The following USP28 variants were observed in gnomAD, a reference collection of about 807,000 sequenced individuals.
The protein encoded by USP28 is ubiquitin carboxyl-terminal hydrolase 28.
USP28 carries 113 observed loss-of-function variants against 145.0 expected under a neutral mutation model. The ratio of observed to expected loss-of-function variants is 0.78; its 90% CI spans 0.67 to 0.91. USP28 has a LOEUF of 0.91. Ranked by LOEUF, USP28 falls within the 40% of genes least tolerant of loss-of-function variation. The pLI, the probability that USP28 is intolerant of heterozygous loss-of-function variation, is 0.00. For synonymous variants in USP28, 447 were observed against 450.9 expected, an observed-to-expected ratio of 0.99 and a Z score of 0.11; for missense variants, 1,201 against 1,289.6, an observed-to-expected ratio of 0.93 and a Z score of 1.05.
At chr11:113,827,475 C>T in intron 10 of USP28, 115 bp from the exon 11 acceptor site, 2 of 1,095,936 alleles carry the variant, frequency 1.8e-6, no homozygotes, top group Admixed American at 3.4e-5. Context: ...AACTTATACT[C>T]AAGGCAAACT....
intron 16 of USP28, among the ~76,000 whole-genome samples, chr11:113,810,261 C>T (rs1399688765): frequency 6.6e-6 from 1 of 152,124 alleles, no homozygotes; most frequent in Non-Finnish European, 1.5e-5. Context: ...CAATTCAGTA[C>T]TATGAGAAAG....
chr11:113,858,605 G>GTTTTA (rs1195945770), intron 1 of USP28, among the ~76,000 whole-genome samples: 1 of 151,984 alleles, frequency 6.6e-6, no homozygotes, highest in African/African-American at 2.4e-5. Flanking sequence ...TTCTCTAATT[G>GTTTTA]TTTTATTTTA....
exon 9 of USP28, chr11:113,830,889 G>A (rs1943902447): frequency 6.2e-7 from 1 of 1,614,026 alleles, no homozygotes; most frequent in Non-Finnish European, 8.5e-7. Context: ...CTTCAGTCAG[G>A]AAAGTACCAT....
rs1945084985 is a variant in USP28, at chr11:113,840,589, A to T, written c.534+9T>A. On this transcript the variant is annotated intron_variant, in intron 5 of 24. Coordinates refer to ENST00000003302, the Ensembl canonical transcript of USP28. ...CAAAAGACACAGTTATCTCTTAAAA[A>T]TATCATACCTGAATAACAGCACTAA... The T allele has an allele frequency of 1.9e-6, 3 of 1,606,624 alleles. No individual in the cohort carries two copies. The highest frequency in any genetic ancestry group is 2.6e-6 in the Non-Finnish European group (3 of 1,176,198).
At chr11:113,819,677 G>C (rs959390495) in intron 12 of USP28, among the ~76,000 whole-genome samples, 3 of 151,978 alleles carry the variant, frequency 2.0e-5, no homozygotes, top group African/African-American at 7.2e-5. Context: ...GGAATAATTA[G>C]AATTTTTAGG....
chr11:113,808,339 G>C (rs1179846025), exon 18 of USP28: 3 of 1,613,726 alleles, frequency 1.9e-6, no homozygotes, highest in African/African-American at 1.3e-5. Context: ...TCATAGGCAC[G>C]GGCTGTGTTT....
intron 3 of USP28, among the ~76,000 whole-genome samples, chr11:113,850,506 G>A (rs547876051): frequency 6.6e-6 from 1 of 152,286 alleles, no homozygotes; most frequent in East Asian, 1.9e-4. Context: ...TGTACCAAGA[G>A]AAACATATGA....
At position 113,854,249 on chromosome 11, in the gene USP28, G is replaced by A; in HGVS notation, c.135+9C>T. The A allele has an allele frequency of 6.2e-7, 1 of 1,610,512 alleles. No individual in the cohort carries two copies. Among genetic ancestry groups the A allele is most frequent in the Non-Finnish European group, 8.5e-7 (1 of 1,179,304 alleles). On this transcript the variant is annotated intron_variant, in intron 2 of 24. Transcript: ENST00000003302. ...AAGCCTCCTGACTAACAGAGATCTG[G>A]AAACCAACCTTCAGAGCTTCATGGA...
intron 5 of USP28, among the ~76,000 whole-genome samples, chr11:113,838,300 T>C (rs1386482653): frequency 6.6e-6 from 1 of 152,222 alleles, no homozygotes; most frequent in Non-Finnish European, 1.5e-5. Flanking sequence ...TTCCACATTA[T>C]CTTCCTATGT....
At chr11:113,835,212 A>AT (rs765685400) in intron 5 of USP28, 3 of 448,132 alleles carry the variant, frequency 6.7e-6, no homozygotes, top group Non-Finnish European at 1.3e-5. Context: ...AATACCTTTC[A>AT]TAAGTTAATT....
At chr11:113,815,020 C>G (rs1028891010) in intron 14 of USP28, among the ~76,000 whole-genome samples, 154 bp downstream of exon 14, 1 of 152,012 alleles carries the variant, frequency 6.6e-6, no homozygotes, top group African/African-American at 2.4e-5. Context: ...CCACTGCACT[C>G]CAGCCTGGGT....
chr11:113,805,087 T>C (rs778772391), intron 19 of USP28, 41 bp from the exon 21 acceptor site: 12 of 1,595,738 alleles, frequency 7.5e-6, no homozygotes, highest in South Asian at 1.1e-5. Context: ...TAGTGTGCTG[T>C]GGGCTTCTGC....
chr11:113,871,364 TAGAA>T (rs1195470548), intron 1 of USP28, among the ~76,000 whole-genome samples: 2 of 152,118 alleles, frequency 1.3e-5, no homozygotes, highest in African/African-American at 4.8e-5. Flanking sequence ...AGGGACATAA[TAGAA>T]AGAGAAGAGA....
rs552435053 is a variant in USP28 at position 113,858,863 on chromosome 11, C to T, written c.58-4528G>A. ...ACCTCAAGTGATCCACCCACCTCGGCCTCCCAAAGTGTTGGGATTACAGGC... is the reference window on the plus strand; with the variant it reads ...ACCTCAAGTGATCCACCCACCTCGGTCTCCCAAAGTGTTGGGATTACAGGC... On this transcript the variant is annotated intron_variant, in intron 1 of 24. Coordinates refer to ENST00000003302, the Ensembl canonical transcript of USP28. 3.5e-4 allele frequency among the ~76,000 whole-genome samples: 53 copies of T among 152,320 alleles called. No homozygotes were observed. In the East Asian group the frequency reaches 0.01, roughly 29 times the overall value.
At chr11:113,815,053 GC>G (rs1941515802) in intron 14 of USP28, 120 bp downstream of exon 14, 3 of 879,094 alleles carry the variant, frequency 3.4e-6, no homozygotes, top group Non-Finnish European at 5.1e-6. Flanking sequence ...CTCCATCTCG[GC>G]GGGGGGGAAA....
exon 25 of USP28, chr11:113,798,073 T>TG (rs1316526888): frequency 7.7e-6 from 1 of 129,370 alleles, no homozygotes; most frequent in East Asian, 4.3e-4. Flanking sequence ...CTGGTTTTTT[T>TG]TTTTTTTTTT....
chr11:113,803,028 T>A, intron 23 of USP28, 130 bp downstream of exon 24: 1 of 1,074,632 alleles, frequency 9.3e-7, no homozygotes, highest in Non-Finnish European at 1.3e-6. Context: ...GTAAAACTGT[T>A]CATGAGAATT....
intron 12 of USP28, chr11:113,822,458 C>CAGAGAGAGAGAGAGAGAGAGAG (rs10524675): frequency 5.9e-5 from 8 of 136,452 alleles, no homozygotes; most frequent in African/African-American, 1.4e-4. Flanking sequence ...TCAAAAAAAA[C>CAGAGAGAGAGAGAGAGAGAGAG]AGAGAGAGAG....
At chr11:113,826,220 T>C (rs1443009960) in intron 11 of USP28, among the ~76,000 whole-genome samples, 1 of 148,464 alleles carries the variant, frequency 6.7e-6, no homozygotes, top group African/African-American at 2.5e-5. Flanking sequence ...GAAGCAGAGG[T>C]TGCAGTGAGC....
Sources: allele counts gnomAD v4.1 joint callset (sites outside exome capture counted in the v4.1 genomes callset), GRCh38; gene constraint gnomAD v4.1.1; transcripts MANE v1.5; gene names NCBI Gene and HGNC (gene_info 2026-07-23, HGNC 2026-07-21).